Variants in DCC observed in about 807,000 individuals in gnomAD.
The protein encoded by DCC is DCC netrin 1 receptor.
Under a neutral mutation model 172.5 loss-of-function variants are expected in DCC, and 58 were observed. The observed-to-expected ratio is 0.34, with a 90% confidence interval of 0.27 to 0.42. DCC has a LOEUF of 0.42. Among genes scored for constraint, DCC ranks in the 10% least tolerant of loss-of-function variants. The probability of loss-of-function intolerance (pLI) is 1.00; values close to 1 mark genes in which losing one functional copy is unlikely to be tolerated. For missense variants in DCC, 1,740 were observed against 1,791.0 expected (o/e 0.97, Z 0.51); for synonymous variants, 709 against 644.5 (o/e 1.10, Z -1.52).
chr18:53,119,273 T>A (rs1184800756), intron 7 of DCC, among the ~76,000 whole-genome samples: 1 of 151,772 alleles, frequency 6.6e-6, no homozygotes, highest in Non-Finnish European at 1.5e-5. Context: ...TTTGGTCTTG[T>A]CCTTATTTTA....
At chr18:53,271,826 A>C (rs1460749681) in intron 12 of DCC, among the ~76,000 whole-genome samples, 1 of 152,170 alleles carries the variant, frequency 6.6e-6, no homozygotes, top group Admixed American at 6.6e-5. Context: ...GCTGCCTACC[A>C]GCGTCTCCCC....
At chr18:52,948,741 C>T (rs1598960652) in intron 5 of DCC, among the ~76,000 whole-genome samples, 1 of 152,284 alleles carries the variant, frequency 6.6e-6, no homozygotes. Context: ...CTAATAAACA[C>T]TACATTCATG....
intron 1 of DCC, among the ~76,000 whole-genome samples, chr18:52,635,090 C>T (rs2034748733): frequency 6.6e-6 from 1 of 152,090 alleles, no homozygotes; most frequent in Non-Finnish European, 1.5e-5. Flanking sequence ...TTGTCTTGTT[C>T]TTCCAAATTT....
chr18:53,058,878 C>T (rs1599080827), intron 5 of DCC, among the ~76,000 whole-genome samples: 2 of 152,206 alleles, frequency 1.3e-5, no homozygotes, highest in East Asian at 3.9e-4. Context: ...GGACATCCTT[C>T]TTGGAGAAGT....
At chr18:53,141,599 A>C (rs1408598091) in intron 7 of DCC, among the ~76,000 whole-genome samples, 1 of 152,180 alleles carries the variant, frequency 6.6e-6, no homozygotes, top group Non-Finnish European at 1.5e-5. Context: ...ATGATGTGTA[A>C]GATTTTGGAA....
chr18:53,015,819 A>G (rs750741232), intron 5 of DCC, among the ~76,000 whole-genome samples: 13 of 152,116 alleles, frequency 8.5e-5, no homozygotes, highest in Non-Finnish European at 1.9e-4. Flanking sequence ...ATGTATAGCC[A>G]AGGATTAAGA....
intron 12 of DCC, among the ~76,000 whole-genome samples, chr18:53,264,738 T>A (rs2056652330): frequency 6.6e-6 from 1 of 152,038 alleles, no homozygotes; most frequent in Non-Finnish European, 1.5e-5. Flanking sequence ...ATTCTCCCTT[T>A]AACTCAATAA....
chr18:52,393,129 G>A (rs986914542), intron 1 of DCC, among the ~76,000 whole-genome samples: 1 of 151,996 alleles, frequency 6.6e-6, no homozygotes, highest in Admixed American at 6.6e-5. Flanking sequence ...ACTGACCACA[G>A]GTACACTCCC....
intron 2 of DCC, among the ~76,000 whole-genome samples, chr18:52,805,585 T>A (rs867877129): frequency 3.0e-4 from 45 of 152,334 alleles, no homozygotes; most frequent in Non-Finnish European, 2.9e-5. Context: ...AAAGATATTT[T>A]AAAAATGGGA....
chr18:52,792,107 G>C (rs1409347302), intron 2 of DCC, among the ~76,000 whole-genome samples: 1 of 152,058 alleles, frequency 6.6e-6, no homozygotes, highest in Admixed American at 6.6e-5. Context: ...CATGGAGAGA[G>C]TACCTATTCC....
chr18:52,369,401 T>C lies in DCC; in HGVS notation c.91+28523T>C, dbSNP rs1177433970. Among the ~76,000 whole-genome samples, 7 of 152,108 alleles carry C rather than the reference T, an allele frequency of 4.6e-5. No individual in the cohort carries two copies. In the South Asian group the frequency reaches 8.3e-4, roughly 18 times the overall value. ...TTTACAAACACCTGACCATCAGTAA[T>C]CTGGGAATGGCTGAACAGATTCAAA... On this transcript the variant is annotated intron_variant, in intron 1 of 28. Transcript: ENST00000442544.
At chr18:53,305,840 T>A in intron 13 of DCC, 121 bp downstream of exon 13, 1 of 984,128 alleles carries the variant, frequency 1.0e-6, no homozygotes, top group South Asian at 1.3e-5. Context: ...AGGTGACATC[T>A]ATTGGCTGGA....
chr18:52,627,760 A>G (rs2034601244), intron 1 of DCC, among the ~76,000 whole-genome samples: 2 of 152,216 alleles, frequency 1.3e-5, no homozygotes, highest in South Asian at 2.1e-4. Context: ...GTGGTCTTCA[A>G]ACAGATTTCT....
At chr18:53,325,486 A>G (rs1295740403) in intron 14 of DCC, among the ~76,000 whole-genome samples, 1 of 152,222 alleles carries the variant, frequency 6.6e-6, no homozygotes, top group African/African-American at 2.4e-5. Context: ...CTGACTCTGA[A>G]TGAGTCACAA....
chr18:52,461,049 GT>G (rs1370629400), intron 1 of DCC, among the ~76,000 whole-genome samples: 1 of 152,056 alleles, frequency 6.6e-6, no homozygotes, highest in Non-Finnish European at 1.5e-5. Context: ...CTTTTTGACT[GT>G]TTGTAGTAAC....
chr18:52,371,106 G>A (rs1985102577), intron 1 of DCC, among the ~76,000 whole-genome samples: 1 of 152,054 alleles, frequency 6.6e-6, no homozygotes, highest in Non-Finnish European at 1.5e-5. Flanking sequence ...TCTTGTTAGG[G>A]CACTGGAGAG....
intron 1 of DCC, among the ~76,000 whole-genome samples, chr18:52,450,061 A>C (rs1988253396): frequency 6.6e-6 from 1 of 152,234 alleles, no homozygotes; most frequent in African/African-American, 2.4e-5. Context: ...TTGGGAAAAG[A>C]AACTATTATG....
rs1458764996 is a variant in DCC at position 53,530,669 on chromosome 18, G to A, written c.*16G>A. 1 of 1,410,296 alleles carries A rather than the reference G, an allele frequency of 7.1e-7. No homozygotes were observed. Among genetic ancestry groups the A allele is most frequent in the Non-Finnish European group, 1.0e-6 (1 of 993,862 alleles). 87.4% of individuals were successfully genotyped at this position (1,410,296 alleles called of 1,614,324 possible). Reference sequence around the variant, plus strand: ...AGCCTTTTAACATGTATTTCTGAATGGATGAGGTGAATTTTCCGGGAACTT... The same window carrying A: ...AGCCTTTTAACATGTATTTCTGAATAGATGAGGTGAATTTTCCGGGAACTT... On this transcript the variant is annotated 3_prime_UTR_variant, in exon 29 of 29. Coordinates refer to ENST00000442544, the MANE Select transcript of DCC (RefSeq NM_005215.4).
intron 16 of DCC, among the ~76,000 whole-genome samples, chr18:53,391,084 G>A (rs1238654552): frequency 1.3e-5 from 2 of 152,184 alleles, no homozygotes; most frequent in African/African-American, 4.8e-5. Context: ...GGTTGCTGTG[G>A]ATGTCAGGGT....
Sources: gnomAD v4.1 joint callset for allele counts (sites outside exome capture counted in the v4.1 genomes callset) on GRCh38, gnomAD v4.1.1 for gene constraint, MANE v1.5 for transcripts, NCBI Gene and HGNC (gene_info 2026-07-23, HGNC 2026-07-21) for gene names.